SH3D19: variants seen among roughly 807,000 people sequenced by gnomAD.
SH3D19 encodes SH3 domain containing 19, also known as SH3 domain-containing protein 19.
In SH3D19, 58 loss-of-function variants were observed where a neutral mutation model predicts 112.1. The ratio of observed to expected loss-of-function variants is 0.52; its 90% CI spans 0.42 to 0.64. The LOEUF is 0.64. Ranked by LOEUF, SH3D19 falls within the 30% of genes least tolerant of loss-of-function variation. The probability of loss-of-function intolerance (pLI) is 0.00; values close to 1 mark genes in which losing one functional copy is unlikely to be tolerated. For missense variants in SH3D19, 1,090 were observed against 1,263.4 expected, an observed-to-expected ratio of 0.86 and a Z score of 2.08; for synonymous variants, 391 against 448.5, an observed-to-expected ratio of 0.87 and a Z score of 1.62.
intron 1 of SH3D19, among the ~76,000 whole-genome samples, chr4:151,231,193 C>T (rs1235052434): frequency 3.3e-5 from 5 of 152,140 alleles, no homozygotes; most frequent in Non-Finnish European, 5.9e-5. Context: ...ATCCAGTGTT[C>T]ATACATCTTA....
intron 13 of SH3D19, 150 bp from the exon 14 acceptor site, chr4:151,138,012 T>C (rs1200624482): frequency 7.1e-6 from 4 of 559,824 alleles, no homozygotes; most frequent in Non-Finnish European, 1.1e-5. Context: ...ACTTAAAAAA[T>C]GCTATTCTTT....
At chr4:151,322,445 A>C (rs1220797890) in intron 1 of SH3D19, among the ~76,000 whole-genome samples, 1 of 151,282 alleles carries the variant, frequency 6.6e-6, no homozygotes, top group East Asian at 1.9e-4. Context: ...AAAAAAAAAA[A>C]AAAAAAAAAA....
chr4:151,256,672 T>C (rs535463215), intron 1 of SH3D19, among the ~76,000 whole-genome samples: 1 of 149,720 alleles, frequency 6.7e-6, no homozygotes, highest in East Asian at 2.0e-4. Context: ...ATATAAGGTG[T>C]ATGGTACACT....
At chr4:151,190,226 A>C (rs566998980) in intron 2 of SH3D19, among the ~76,000 whole-genome samples, 2 of 152,206 alleles carry the variant, frequency 1.3e-5, no homozygotes, top group Non-Finnish European at 2.9e-5. Context: ...AAAGGCATTC[A>C]ATTTTATAAG....
At chr4:151,188,760 G>T (rs1561308179) in intron 2 of SH3D19, among the ~76,000 whole-genome samples, 3 of 152,230 alleles carry the variant, frequency 2.0e-5, no homozygotes, top group African/African-American at 7.2e-5. Flanking sequence ...AACACGGAAG[G>T]TGTTACAGGT....
At chr4:151,269,118 C>T (rs377358073) in intron 1 of SH3D19, among the ~76,000 whole-genome samples, 1 of 152,174 alleles carries the variant, frequency 6.6e-6, no homozygotes, top group Non-Finnish European at 1.5e-5. Flanking sequence ...TCCTGACTTT[C>T]TAATGATTGC....
At chr4:151,294,473 C>G (rs1337639577) in intron 1 of SH3D19, among the ~76,000 whole-genome samples, 2 of 152,232 alleles carry the variant, frequency 1.3e-5, no homozygotes, top group Non-Finnish European at 2.9e-5. Context: ...ATCTCACTAT[C>G]TTCATCACTA....
chr4:151,145,806 A>C (rs1753824818), intron 11 of SH3D19, among the ~76,000 whole-genome samples: 1 of 152,186 alleles, frequency 6.6e-6, no homozygotes, highest in Non-Finnish European at 1.5e-5. Context: ...ATCTTGCTCC[A>C]CCATTAACTG....
chr4:151,316,800 T>C (rs965611589), intron 1 of SH3D19, among the ~76,000 whole-genome samples: 3 of 152,190 alleles, frequency 2.0e-5, no homozygotes, highest in Non-Finnish European at 4.4e-5. Flanking sequence ...CAAGGACTCG[T>C]TCCAGCTGCT....
At chr4:151,210,814 G>A (rs1765851971) in intron 2 of SH3D19, among the ~76,000 whole-genome samples, 1 of 151,842 alleles carries the variant, frequency 6.6e-6, no homozygotes, top group African/African-American at 2.4e-5. Flanking sequence ...TCTCCTTTTT[G>A]TATTTTGACA....
intron 7 of SH3D19, chr4:151,170,908 T>C (rs866895455): frequency 6.6e-6 from 1 of 152,228 alleles, no homozygotes; most frequent in African/African-American, 2.4e-5. Context: ...TTACTGTACA[T>C]TGCATTTGAC....
chr4:151,175,799 T>G (rs2149828136), intron 6 of SH3D19, 125 bp from the exon 7 acceptor site: 1 of 902,176 alleles, frequency 1.1e-6, no homozygotes, highest in African/African-American at 1.7e-5. Flanking sequence ...AGATTTTGGT[T>G]TCTTTTAATT....
At chr4:151,241,546 CTTTATTTA>C (rs924908715) in intron 1 of SH3D19, among the ~76,000 whole-genome samples, 1 of 144,504 alleles carries the variant, frequency 6.9e-6, no homozygotes, top group Non-Finnish European at 1.5e-5. Context: ...CTAAAAACCA[CTTTATTTA>C]TTTATTTATT....
chr4:151,218,619 C>T (rs1390790792), intron 2 of SH3D19, among the ~76,000 whole-genome samples: 8 of 152,110 alleles, frequency 5.3e-5, no homozygotes, highest in African/African-American at 1.9e-4. Context: ...TATTGCAAAT[C>T]CTATCTCTTA....
intron 12 of SH3D19, among the ~76,000 whole-genome samples, chr4:151,142,830 G>A (rs577748040): frequency 1.3e-5 from 2 of 152,238 alleles, no homozygotes; most frequent in East Asian, 3.9e-4. Context: ...GCATAAAGGA[G>A]GATTCATTTC....
intron 1 of SH3D19, among the ~76,000 whole-genome samples, chr4:151,267,178 A>AT (rs373892254): frequency 2.2e-5 from 3 of 139,302 alleles, no homozygotes; most frequent in African/African-American, 9.5e-5. Flanking sequence ...AAAAATAAAT[A>AT]AAATAAATTA....
Position 151,143,995 on chromosome 4 carries a change from T to C in SH3D19, c.2138A>G (p.Gln713Arg), listed in dbSNP as rs1753472399. Residue 713 changes from glutamine to arginine, a missense_variant, in exon 12 of 20, where the codon CAA becomes CGA. Coordinates refer to ENST00000604030, the MANE Select transcript of SH3D19 (RefSeq NM_001378122.1). Reference protein sequence around the residue: ...KQTENNYLECQKGEDTGRVHL... With the variant: ...KQTENNYLECRKGEDTGRVHL... Reference sequence around the variant, plus strand: ...AACTCTGCCAGTGTCTTCTCCCTTTTGGCACTCCAAGTAATTATTTTCCGT... The same window carrying C: ...AACTCTGCCAGTGTCTTCTCCCTTTCGGCACTCCAAGTAATTATTTTCCGT... 1 of 1,614,174 alleles carries C rather than the reference T, an allele frequency of 6.2e-7. No individual in the cohort carries two copies. Among genetic ancestry groups the C allele is most frequent in the Non-Finnish European group, 8.5e-7 (1 of 1,180,026 alleles).
chr4:151,175,412 C>A lies in SH3D19; in HGVS notation c.792G>T (p.Arg264=). The change falls in exon 7 of 20, where the codon CGG becomes CGT. Residue 264 remains arginine, a synonymous_variant. Transcript: ENST00000604030. ...TAGCGTTGTCCAGCAGAGACTGGGG[C>A]CGGCCTGGGGATGACTCCTCTCCTA... is the stretch of plus-strand genomic sequence containing the variant. ...AAVGEESSPG[R]PQSLLDNAST... is the part of the protein sequence containing the mutation. The A allele has an allele frequency of 1.3e-6, 2 of 1,546,174 alleles. No homozygotes were observed. Among genetic ancestry groups the A allele is most frequent in the South Asian group, 2.6e-5 (2 of 77,854 alleles).
At position 151,239,889 on chromosome 4, in the gene SH3D19, G is replaced by A. The variant is rs187553670; in HGVS notation, c.113-13803C>T. ...ATGGCAGCTGAAAAGTTATAAATATGAAATAAGGTACCCTGAGACTTTAGT... is the reference window on the plus strand; with the variant it reads ...ATGGCAGCTGAAAAGTTATAAATATAAAATAAGGTACCCTGAGACTTTAGT... On this transcript the variant is annotated intron_variant, in intron 1 of 19. Transcript: ENST00000604030. Among the ~76,000 whole-genome samples, 12 of 152,242 alleles carry A rather than the reference G, an allele frequency of 7.9e-5. No individual in the cohort carries two copies. The East Asian group carries it at 2.3e-3, about 29-fold the overall frequency.
Sources: gnomAD v4.1 joint callset for allele counts (sites outside exome capture counted in the v4.1 genomes callset) on GRCh38, gnomAD v4.1.1 for gene constraint, MANE v1.5 for transcripts, NCBI Gene and HGNC (gene_info 2026-07-23, HGNC 2026-07-21) for gene names.